UTRN: variants seen among roughly 807,000 people sequenced by gnomAD.
UTRN encodes utrophin, also known as dystrophin-related protein 1.
Under a neutral mutation model 463.9 loss-of-function variants are expected in UTRN, and 283 were observed. The ratio of observed to expected loss-of-function variants is 0.61; its 90% CI spans 0.55 to 0.67. UTRN has a LOEUF of 0.67. Among genes scored for constraint, UTRN ranks in the 30% least tolerant of loss-of-function variants. The pLI, the probability that UTRN is intolerant of heterozygous loss-of-function variation, is 0.00. For missense variants in UTRN, 3,922 were observed against 4,084.3 expected, an observed-to-expected ratio of 0.96 and a Z score of 1.08; for synonymous variants, 1,442 against 1,431.5, an observed-to-expected ratio of 1.01 and a Z score of -0.17.
chr6:144,839,094 G>A (rs768091326), intron 71 of UTRN, 79 bp from the exon 72 acceptor site: 5 of 1,083,256 alleles, frequency 4.6e-6, no homozygotes, highest in Non-Finnish European at 2.8e-6. Context: ...TGGTGAGGGC[G>A]GGGAAGTTAA....
chr6:144,789,091 A>G (rs958659926), intron 61 of UTRN, 103 bp from the exon 62 acceptor site: 3 of 905,800 alleles, frequency 3.3e-6, no homozygotes, highest in Non-Finnish European at 5.1e-6. Context: ...AGATACAATT[A>G]TTTTTGATGG....
chr6:144,384,723 G>C (rs73594967), intron 2 of UTRN, among the ~76,000 whole-genome samples: 9,541 of 152,190 alleles, frequency 0.063, 353 homozygotes, highest in African/African-American at 0.11. Flanking sequence ...CCATGTTGTA[G>C]CATGTGTCTG....
chr6:144,639,541 A>G lies in UTRN; in HGVS notation c.7480-38865A>G, dbSNP rs112679791. The stretch of plus-strand genomic sequence containing the variant: ...ATTCAACAGACCCTTTAAAACTCAA[A>G]TCTGTTTCCCTTAGTATATTCCCTT... On this transcript the variant is annotated intron_variant, in intron 51 of 74. Coordinates refer to ENST00000367545, the MANE Select transcript of UTRN (RefSeq NM_007124.3). 3.9e-5 allele frequency among the ~76,000 whole-genome samples: 6 copies of G among 152,218 alleles called. 1 individual carries two copies. Among genetic ancestry groups the G allele is most frequent in the African/African-American group, 1.4e-4 (6 of 41,522 alleles).
chr6:144,726,423 G>A (rs1314395494), intron 53 of UTRN, among the ~76,000 whole-genome samples: 3 of 151,932 alleles, frequency 2.0e-5, no homozygotes, highest in African/African-American at 7.3e-5. Context: ...CTCAATTTAC[G>A]CACCACCTCC....
intron 2 of UTRN, among the ~76,000 whole-genome samples, chr6:144,375,781 G>T (rs1780401186): frequency 6.6e-6 from 1 of 152,118 alleles, no homozygotes; most frequent in Admixed American, 6.6e-5. Context: ...TGGTTGGAAT[G>T]TATCCATTGA....
At chr6:144,532,993 C>T (rs1034056203) in intron 42 of UTRN, 92 bp from the exon 43 acceptor site, 3 of 639,088 alleles carry the variant, frequency 4.7e-6, no homozygotes, top group Non-Finnish European at 5.2e-6. Context: ...TTCTTTCACA[C>T]TTAAATTGAT....
At position 144,433,936 on chromosome 6, in the gene UTRN, G is replaced by C. The variant is rs1008625996; in HGVS notation, c.856-1999G>C. Among the ~76,000 whole-genome samples the C allele has an allele frequency of 5.3e-5, 8 of 152,170 alleles. 1 individual carries two copies. Among genetic ancestry groups the C allele is most frequent in the African/African-American group, 1.9e-4 (8 of 41,452 alleles). ...CAGAGACGCTCCTCACTTCCCAGAC[G>C]GGGTGGCAGCCGGGCAGAGGCTGCA... On this transcript the variant is annotated intron_variant, in intron 9 of 74. Transcript: ENST00000367545.
At chr6:144,470,233 G>A (rs538582514) in intron 23 of UTRN, among the ~76,000 whole-genome samples, 1 of 152,358 alleles carries the variant, frequency 6.6e-6, no homozygotes, top group East Asian at 1.9e-4. Context: ...CCCAGACGGG[G>A]TGGCGGCCGG....
At chr6:144,605,674 G>A (rs559249855) in intron 51 of UTRN, among the ~76,000 whole-genome samples, 1 of 128,140 alleles carries the variant, frequency 7.8e-6, no homozygotes, top group African/African-American at 2.9e-5. Context: ...CAGTGTGGGT[G>A]CCATTTTTTT....
intron 54 of UTRN, among the ~76,000 whole-genome samples, chr6:144,735,093 C>A (rs79967466): frequency 6.6e-6 from 1 of 152,140 alleles, no homozygotes; most frequent in African/African-American, 2.4e-5. Context: ...AGAAGTATAA[C>A]GCATGTTCCT....
intron 30 of UTRN, among the ~76,000 whole-genome samples, chr6:144,489,412 A>G (rs972606407): frequency 6.6e-6 from 1 of 151,566 alleles, no homozygotes; most frequent in South Asian, 2.1e-4. Context: ...GCCTCCCAAA[A>G]TGCTGGGATT....
At chr6:144,322,367 A>C (rs1443525061) in intron 2 of UTRN, among the ~76,000 whole-genome samples, 1 of 152,104 alleles carries the variant, frequency 6.6e-6, no homozygotes, top group Non-Finnish European at 1.5e-5. Context: ...CATTCACTGA[A>C]TGTGTCTGAT....
intron 39 of UTRN, among the ~76,000 whole-genome samples, chr6:144,521,452 C>T (rs187321043): frequency 6.6e-6 from 1 of 152,234 alleles, no homozygotes; most frequent in East Asian, 1.9e-4. Context: ...ATATTATTCT[C>T]AGAGATTAAG....
At chr6:144,430,328 T>C (rs1050741784) in intron 9 of UTRN, among the ~76,000 whole-genome samples, 2 of 152,170 alleles carry the variant, frequency 1.3e-5, no homozygotes, top group Admixed American at 6.5e-5. Flanking sequence ...TTTATTTTCT[T>C]CCTTAGTTCT....
chr6:144,454,904 T>C (rs1161028463), intron 19 of UTRN, among the ~76,000 whole-genome samples: 4 of 152,214 alleles, frequency 2.6e-5, no homozygotes, highest in African/African-American at 7.2e-5. Flanking sequence ...CACACATCAC[T>C]GTAGAAAATT....
rs111681949 is a variant in UTRN at position 144,337,817 on chromosome 6, G to A, written c.79+45910G>A. On this transcript the variant is annotated intron_variant, in intron 2 of 74. Transcript: ENST00000367545. ...TTTAGTAGAGATGGAGTCTTACCAT[G>A]TTGGCCAGGCTGGTCTCGAACTCCT... is the stretch of plus-strand genomic sequence containing the variant. Among the ~76,000 whole-genome samples the A allele has an allele frequency of 4.5e-3, 681 of 152,264 alleles. 7 individuals are homozygous for A. Among genetic ancestry groups the A allele is most frequent in the African/African-American group, 0.015 (618 of 41,562 alleles).
chr6:144,797,928 G>A lies in UTRN; in HGVS notation c.9183G>A (p.Ala3061=), dbSNP rs549972159. ...CAGTTTTACATCGAGTGGCAGCAGC[G>A]GAGACTGCAAAACATCAGGCCAAAT... ...WLPVLHRVAA[A]ETAKHQAKCN... Residue 3061 remains alanine (A), a synonymous_variant, in exon 64 of 75, where the codon GCG becomes GCA. Transcript: ENST00000367545. The A allele has an allele frequency of 3.2e-5, 51 of 1,614,110 alleles. No individual in the cohort carries two copies. The Admixed American group carries it at 4.7e-4, about 15-fold the overall frequency.
At chr6:144,828,428 G>A (rs986014696) in intron 68 of UTRN, among the ~76,000 whole-genome samples, 1 of 152,184 alleles carries the variant, frequency 6.6e-6, no homozygotes, top group Non-Finnish European at 1.5e-5. Context: ...TTGAAGGGAA[G>A]TCATGGAGAG....
intron 2 of UTRN, among the ~76,000 whole-genome samples, chr6:144,359,082 C>T (rs537583057): frequency 3.3e-5 from 5 of 152,134 alleles, no homozygotes; most frequent in South Asian, 2.1e-4. Context: ...AATAGTACAG[C>T]GAAAATTATC....
Sources: allele counts gnomAD v4.1 joint callset (sites outside exome capture counted in the v4.1 genomes callset), GRCh38; gene constraint gnomAD v4.1.1; transcripts MANE v1.5; gene names NCBI Gene and HGNC (gene_info 2026-07-23, HGNC 2026-07-21).